CADPS: variants seen among roughly 807,000 people sequenced by gnomAD.
CADPS encodes calcium dependent secretion activator.
Under a neutral mutation model 167.3 loss-of-function variants are expected in CADPS, and 57 were observed. The observed-to-expected ratio is 0.34, with a 90% CI of 0.28 to 0.42. CADPS has a LOEUF of 0.42. Among genes scored for constraint, CADPS ranks in the 20% least tolerant of loss-of-function variants. The pLI is 1.00. For synonymous variants in CADPS, 676 were observed against 635.3 expected (o/e 1.06, Z -0.96); for missense variants, 1,414 against 1,738.1 (o/e 0.81, Z 3.32).
At chr3:62,667,040 T>TTTG (rs1457213407) in intron 3 of CADPS, among the ~76,000 whole-genome samples, 1 of 150,908 alleles carries the variant, frequency 6.6e-6, no homozygotes, top group East Asian at 1.9e-4. Context: ...CAATCTTGTT[T>TTTG]TTTTTTTTTT....
chr3:62,669,388 TTA>T (rs1162579168), intron 3 of CADPS, among the ~76,000 whole-genome samples: 1 of 152,176 alleles, frequency 6.6e-6, no homozygotes, highest in Non-Finnish European at 1.5e-5. Flanking sequence ...GTCTGGAAAG[TTA>T]CAGCTGGGAC....
chr3:62,572,180 G>T (rs560680699), intron 8 of CADPS, among the ~76,000 whole-genome samples: 9 of 152,216 alleles, frequency 5.9e-5, no homozygotes, highest in Middle Eastern at 6.8e-3. Context: ...AATTTCAGGG[G>T]CCCTTAAGAG....
chr3:62,658,301 G>C (rs2072245751), intron 4 of CADPS, among the ~76,000 whole-genome samples: 1 of 152,094 alleles, frequency 6.6e-6, no homozygotes, highest in African/African-American at 2.4e-5. Context: ...GCCAGTGTCT[G>C]ACTGACACAT....
At chr3:62,627,816 C>T (rs559318829) in intron 6 of CADPS, among the ~76,000 whole-genome samples, 1 of 152,204 alleles carries the variant, frequency 6.6e-6, no homozygotes, top group African/African-American at 2.4e-5. Context: ...ATTACTGATG[C>T]TTCCAAAACC....
chr3:62,784,202 T>A (rs2092135691), intron 1 of CADPS, among the ~76,000 whole-genome samples: 1 of 152,162 alleles, frequency 6.6e-6, no homozygotes, highest in Non-Finnish European at 1.5e-5. Context: ...GTAAAAATAA[T>A]GGCTACACAG....
intron 3 of CADPS, among the ~76,000 whole-genome samples, chr3:62,669,461 G>A (rs1294686736): frequency 1.3e-5 from 2 of 152,182 alleles, no homozygotes; most frequent in Admixed American, 6.5e-5. Context: ...ACTGCACTGG[G>A]GTTTGAACTG....
At chr3:62,518,982 CA>C (rs1182062272) in intron 13 of CADPS, among the ~76,000 whole-genome samples, 1 of 152,108 alleles carries the variant, frequency 6.6e-6, no homozygotes, top group East Asian at 1.9e-4. Flanking sequence ...TAAATGATTT[CA>C]GTTTGATCAT....
intron 8 of CADPS, among the ~76,000 whole-genome samples, chr3:62,575,737 G>A (rs62243527): frequency 6.6e-6 from 1 of 152,070 alleles, no homozygotes; most frequent in Non-Finnish European, 1.5e-5. Context: ...ACAAACTTTG[G>A]TTTCTTTTTT....
intron 28 of CADPS, among the ~76,000 whole-genome samples, chr3:62,419,836 G>A (rs949056456): frequency 6.6e-6 from 1 of 152,066 alleles, no homozygotes. Flanking sequence ...TGTACAGAAC[G>A]GAAAGATAAA....
intron 27 of CADPS, among the ~76,000 whole-genome samples, chr3:62,445,496 T>C (rs1291958549): frequency 6.6e-6 from 1 of 151,766 alleles, no homozygotes; most frequent in Non-Finnish European, 1.5e-5. Context: ...GAGAAACCAA[T>C]GAAAATGAAA....
intron 4 of CADPS, among the ~76,000 whole-genome samples, chr3:62,652,127 CACA>C (rs1478316209): frequency 6.6e-6 from 1 of 152,110 alleles, no homozygotes; most frequent in Non-Finnish European, 1.5e-5. Flanking sequence ...ATGTGGACTG[CACA>C]ACATCACATC....
intron 1 of CADPS, among the ~76,000 whole-genome samples, chr3:62,851,294 T>G (rs2078528595): frequency 7.8e-6 from 1 of 128,916 alleles, no homozygotes; most frequent in Non-Finnish European, 1.6e-5. Flanking sequence ...AATATTGTTA[T>G]GTGTGAATTT....
intron 4 of CADPS, among the ~76,000 whole-genome samples, chr3:62,654,734 G>A (rs1206681290): frequency 6.6e-6 from 1 of 152,104 alleles, no homozygotes; most frequent in Non-Finnish European, 1.5e-5. Flanking sequence ...TCATACTGGG[G>A]CCAAAACCTC....
chr3:62,792,863 A>G (rs304218), intron 1 of CADPS, among the ~76,000 whole-genome samples: 22,959 of 152,108 alleles, frequency 0.15, 3,605 homozygotes, highest in African/African-American at 0.4. Context: ...TTCCCAAAGT[A>G]CTGGGATTAC....
chr3:62,647,341 G>C (rs1471767972), intron 5 of CADPS, among the ~76,000 whole-genome samples: 2 of 152,138 alleles, frequency 1.3e-5, no homozygotes, highest in African/African-American at 4.8e-5. Context: ...ATGTGAATCA[G>C]AATCATTTAT....
chr3:62,694,126 C>T (rs374608968), intron 3 of CADPS, among the ~76,000 whole-genome samples: 25 of 152,180 alleles, frequency 1.6e-4, no homozygotes, highest in African/African-American at 4.1e-4. Context: ...CTTCCTCTCA[C>T]GAAGGCTGGC....
At chr3:62,679,946 A>C (rs2076890699) in intron 3 of CADPS, among the ~76,000 whole-genome samples, 1 of 152,016 alleles carries the variant, frequency 6.6e-6, no homozygotes, top group African/African-American at 2.4e-5. Flanking sequence ...ATCATTGATA[A>C]ATTAATTATA....
chr3:62,628,007 A>T (rs17275641), intron 6 of CADPS, among the ~76,000 whole-genome samples: 60,503 of 152,096 alleles, frequency 0.4, 12,142 homozygotes, highest in Non-Finnish European at 0.42. Context: ...AAATTTTCAT[A>T]GTAGTCATAT....
At chr3:62,627,872 T>A (rs1189848141) in intron 6 of CADPS, among the ~76,000 whole-genome samples, 2 of 152,160 alleles carry the variant, frequency 1.3e-5, no homozygotes, top group Non-Finnish European at 2.9e-5. Context: ...GCCATTATAT[T>A]TGAGGTCTCA....
Sources: allele counts gnomAD v4.1 joint callset (sites outside exome capture counted in the v4.1 genomes callset), GRCh38; gene constraint gnomAD v4.1.1; transcripts MANE v1.5; gene names NCBI Gene and HGNC (gene_info 2026-07-23, HGNC 2026-07-21).